Variants in RPS6KA2 observed in about 807,000 individuals in gnomAD.
The protein encoded by RPS6KA2 is ribosomal protein S6 kinase A2.
A neutral mutation model predicts 91.8 loss-of-function variants in RPS6KA2; 42 were observed. The observed-to-expected ratio is 0.46, with a 90% CI of 0.36 to 0.59. The LOEUF is 0.59. RPS6KA2 is among the 20% of genes least tolerant of loss of function. RPS6KA2 has a pLI of 0.00. For synonymous variants in RPS6KA2, 414 were observed against 393.6 expected (o/e 1.05, Z -0.61); for missense variants, 798 against 978.5 (o/e 0.82, Z 2.46).
At chr6:166,744,074 C>G (rs11752971) in intron 2 of RPS6KA2, among the ~76,000 whole-genome samples, 22,506 of 152,154 alleles carry the variant, frequency 0.15, 1,790 homozygotes, top group Admixed American at 0.18. Flanking sequence ...CCCTGAGCAC[C>G]TGAGTATCCC....
intron 16 of RPS6KA2, among the ~76,000 whole-genome samples, chr6:166,424,934 A>T (rs1456013626): frequency 6.6e-6 from 1 of 152,238 alleles, no homozygotes; most frequent in Non-Finnish European, 1.5e-5. Context: ...CTGCTTTGGC[A>T]TAAGGATTAT....
chr6:166,441,989 C>T (rs763030665), intron 14 of RPS6KA2, among the ~76,000 whole-genome samples: 2 of 152,230 alleles, frequency 1.3e-5, no homozygotes, highest in African/African-American at 2.4e-5. Context: ...TCAGCACTTA[C>T]ACAGCTGAAC....
At chr6:166,755,390 A>G (rs1185965743) in intron 2 of RPS6KA2, among the ~76,000 whole-genome samples, 5 of 151,750 alleles carry the variant, frequency 3.3e-5, no homozygotes, top group Non-Finnish European at 7.4e-5. Flanking sequence ...TATACGGTGA[A>G]CTCTCCAGGA....
intron 8 of RPS6KA2, among the ~76,000 whole-genome samples, chr6:166,491,130 A>T (rs1781574019): frequency 6.6e-6 from 1 of 152,152 alleles, no homozygotes; most frequent in South Asian, 2.1e-4. Flanking sequence ...TAGGAGGAGG[A>T]GGAGGAGAAC....
chr6:166,528,358 C>A (rs1404021588), intron 3 of RPS6KA2, among the ~76,000 whole-genome samples: 1 of 152,016 alleles, frequency 6.6e-6, no homozygotes, highest in East Asian at 1.9e-4. Flanking sequence ...GGAAAACTGG[C>A]TAGCCATATA....
chr6:166,548,416 G>T (rs1313058719), intron 1 of RPS6KA2, among the ~76,000 whole-genome samples: 8 of 152,198 alleles, frequency 5.3e-5, no homozygotes, highest in Non-Finnish European at 8.8e-5. Flanking sequence ...ACTAAAGTGG[G>T]AGGAATCACT....
At chr6:166,421,008 T>TCC (rs377641444) in intron 17 of RPS6KA2, among the ~76,000 whole-genome samples, 22 of 152,292 alleles carry the variant, frequency 1.4e-4, no homozygotes, top group Middle Eastern at 3.4e-3. Context: ...GCCTGTCCTT[T>TCC]TCTCTGTATC....
rs1431193617 is a variant in RPS6KA2, at chr6:166,716,862, G to A, written c.123+141338C>T. On this transcript the variant is annotated intron_variant, in intron 2 of 21. Transcript: ENST00000503859. ...AAGCATGACTAAATTTAAAACTTTCGGATGTCAAAACACTGTAACCGAAAT... is the reference window on the plus strand; with the variant it reads ...AAGCATGACTAAATTTAAAACTTTCAGATGTCAAAACACTGTAACCGAAAT... Among the ~76,000 whole-genome samples, 5 of 151,002 alleles carry A rather than the reference G, an allele frequency of 3.3e-5. No individual in the cohort carries two copies. In the East Asian group the frequency reaches 7.9e-4, roughly 24 times the overall value.
chr6:166,486,006 C>T (rs1781395594), intron 10 of RPS6KA2, among the ~76,000 whole-genome samples: 1 of 152,178 alleles, frequency 6.6e-6, no homozygotes, highest in Non-Finnish European at 1.5e-5. Flanking sequence ...CGTGGGTGTG[C>T]ACCAGGACCA....
chr6:166,494,892 G>A lies in RPS6KA2; in HGVS notation c.747+3616C>T, dbSNP rs59935850. ...TCTTTTAAAACAAGGCCCCTCACAC[G>A]CACAACGGCTCTGCACCGATCCGCT... On this transcript the variant is annotated intron_variant, in intron 8 of 20. Coordinates refer to ENST00000265678, the MANE Select transcript of RPS6KA2 (RefSeq NM_021135.6). This position sits in a 1 kb window ranked among gnomAD's most constrained non-coding sequence, Gnocchi z 5.1. 6.6e-6 allele frequency among the ~76,000 whole-genome samples: 1 copy of A among 152,144 alleles called. No individual in the cohort carries two copies. The highest frequency in any genetic ancestry group is 1.5e-5 in the Non-Finnish European group (1 of 68,024).
chr6:166,844,612 A>T (rs112460424), intron 2 of RPS6KA2, among the ~76,000 whole-genome samples: 1,844 of 152,286 alleles, frequency 0.012, 27 homozygotes, highest in South Asian at 0.042. Context: ...TCGGGGTCCT[A>T]TGTTTAGCCT....
chr6:166,780,960 C>T (rs75057533), intron 2 of RPS6KA2, among the ~76,000 whole-genome samples: 3,454 of 152,288 alleles, frequency 0.023, 145 homozygotes, highest in African/African-American at 0.079. Flanking sequence ...ATGACTACTC[C>T]GATATTCGGA....
intron 2 of RPS6KA2, among the ~76,000 whole-genome samples, chr6:166,748,612 C>CCT (rs1562416288): frequency 1.1e-3 from 26 of 22,928 alleles, no homozygotes; most frequent in East Asian, 1.8e-3. Flanking sequence ...CCCCATTTCC[C>CCT]TGGGCCCCCA....
chr6:166,473,759 T>C (rs2128466548), intron 10 of RPS6KA2, among the ~76,000 whole-genome samples: 1 of 152,270 alleles, frequency 6.6e-6, no homozygotes, highest in Middle Eastern at 3.4e-3. Context: ...TCTGGGAACA[T>C]TCAGTAGAAT....
At chr6:166,771,404 G>C (rs375756357) in intron 2 of RPS6KA2, among the ~76,000 whole-genome samples, 1 of 152,156 alleles carries the variant, frequency 6.6e-6, no homozygotes, top group Non-Finnish European at 1.5e-5. Context: ...GCTTGGTCCA[G>C]GGCTTAAACC....
intron 19 of RPS6KA2, among the ~76,000 whole-genome samples, chr6:166,415,729 C>T (rs1189320994): frequency 6.6e-6 from 1 of 152,134 alleles, no homozygotes; most frequent in African/African-American, 2.4e-5. Context: ...CATCTACACT[C>T]ATTTAAGACA....
rs561359715 is a variant in RPS6KA2, at chr6:166,537,929, T to C, written c.216+739A>G. 3.3e-5 allele frequency among the ~76,000 whole-genome samples: 5 copies of C among 152,350 alleles called. No homozygotes were observed. The South Asian group carries it at 1.0e-3, about 32-fold the overall frequency. ...TGGAGTAAGTCACGTGTCATCATAA[T>C]TGAAAAGCGTTATTGACATCTTGTT... is the stretch of plus-strand genomic sequence containing the variant. On this transcript the variant is annotated intron_variant, in intron 2 of 20. Coordinates refer to ENST00000265678, the MANE Select transcript of RPS6KA2 (RefSeq NM_021135.6).
At chr6:166,567,070 A>G (rs1248775672) in intron 1 of RPS6KA2, among the ~76,000 whole-genome samples, 3 of 152,204 alleles carry the variant, frequency 2.0e-5, no homozygotes, top group Non-Finnish European at 4.4e-5. Flanking sequence ...TAATGGCAAA[A>G]AACAATCCAT....
chr6:166,588,001 C>T (rs1785236552), intron 1 of RPS6KA2, among the ~76,000 whole-genome samples: 2 of 152,304 alleles, frequency 1.3e-5, no homozygotes, highest in East Asian at 1.9e-4. Context: ...GCAAAATATG[C>T]AGCATAAAAT....
Sources: gnomAD v4.1 joint callset for allele counts (sites outside exome capture counted in the v4.1 genomes callset) on GRCh38, gnomAD v4.1.1 for gene constraint, Gnocchi (gnomAD v3.1) non-coding constraint, MANE v1.5 for transcripts, NCBI Gene and HGNC (gene_info 2026-07-23, HGNC 2026-07-21) for gene names.